Variants in ZNF678 observed in about 807,000 individuals in gnomAD.
ZNF678 encodes hypothetical protein MGC42493.
ZNF678 carries 5 observed loss-of-function variants against 3.0 expected under a neutral mutation model. That is an observed-to-expected ratio of 1.69 (90% CI 0.88 to 3.56). The LOEUF (loss-of-function observed/expected upper bound fraction) is 3.56. ZNF678 is among the 30% of genes most tolerant of loss of function. ZNF678 has a pLI of 0.00. For synonymous variants in ZNF678, 218 were observed against 199.6 expected (o/e 1.09, Z -0.78); for missense variants, 593 against 605.0 (o/e 0.98, Z 0.21).
At chr1:227,648,430 ATTGAT>A (rs1343110406) in intron 2 of ZNF678, among the ~76,000 whole-genome samples, 1 of 152,222 alleles carries the variant, frequency 6.6e-6, no homozygotes, top group East Asian at 1.9e-4. Flanking sequence ...ACACACTCAA[ATTGAT>A]TTGGAGTGAG....
chr1:227,676,862 T>C (rs1164730279), intron 5 of ZNF678, among the ~76,000 whole-genome samples: 2 of 152,166 alleles, frequency 1.3e-5, no homozygotes, highest in Non-Finnish European at 2.9e-5. Context: ...CATCATTTTT[T>C]ATGGTTGCAT....
At chr1:227,629,312 C>T (rs1658495397) in intron 1 of ZNF678, among the ~76,000 whole-genome samples, 1 of 152,222 alleles carries the variant, frequency 6.6e-6, no homozygotes, top group African/African-American at 2.4e-5. Context: ...TTAATTCCTT[C>T]CTCAAGTAGG....
At chr1:227,646,521 G>T (rs774961554) in intron 1 of ZNF678, 23 bp from the exon 2 acceptor site, 1 of 1,312,046 alleles carries the variant, frequency 7.6e-7, no homozygotes, top group African/African-American at 2.3e-5. Flanking sequence ...TTGTAAATAC[G>T]TGTGTATTTT....
chr1:227,654,213 G>A, intron 3 of ZNF678, 123 bp from the exon 4 acceptor site: 2 of 771,526 alleles, frequency 2.6e-6, no homozygotes, highest in Non-Finnish European at 1.9e-6. Context: ...AGGAATCATG[G>A]CATGTGATAT....
chr1:227,633,362 A>G (rs1261827295), intron 1 of ZNF678, among the ~76,000 whole-genome samples: 1 of 152,200 alleles, frequency 6.6e-6, no homozygotes, highest in Non-Finnish European at 1.5e-5. Context: ...CTGTGCTCTC[A>G]GGCAACAGAT....
At chr1:227,632,416 A>G (rs992024947) in intron 1 of ZNF678, among the ~76,000 whole-genome samples, 13 of 152,242 alleles carry the variant, frequency 8.5e-5, no homozygotes, top group African/African-American at 2.9e-4. Context: ...ATGGGTCAAA[A>G]GGAGAGGTAG....
chr1:227,655,179 G>T lies in ZNF678; in HGVS notation c.929G>T (p.Arg310Leu). 6.2e-7 allele frequency: 1 copy of T among 1,607,046 alleles called. No homozygotes were observed. Reference sequence around the variant, plus strand: ...TTTACACAGTTTGCAAGCCTTACTCGTCATAAAAGAATTCATACTGGAGAA... The same window carrying T: ...TTTACACAGTTTGCAAGCCTTACTCTTCATAAAAGAATTCATACTGGAGAA... ...KAFTQFASLTRHKRIHTGEKP... is the reference protein window; with the variant it reads ...KAFTQFASLTLHKRIHTGEKP... The change falls in exon 4 of 4, where the codon CGT becomes CTT. Residue 310 changes from arginine to leucine, a missense_variant. Physicochemically the swap from Arg to Leu is moderately radical, Grantham distance 102 (BLOSUM62 -2). Transcript: ENST00000343776.
chr1:227,676,871 A>G (rs953016394), intron 5 of ZNF678, among the ~76,000 whole-genome samples: 1 of 152,148 alleles, frequency 6.6e-6, no homozygotes, highest in Non-Finnish European at 1.5e-5. Context: ...TTATGGTTGC[A>G]TAGTATTCCA....
chr1:227,602,399 C>A (rs956195074), intron 1 of ZNF678, among the ~76,000 whole-genome samples: 29 of 152,266 alleles, frequency 1.9e-4, no homozygotes, highest in Middle Eastern at 3.4e-3. Flanking sequence ...TTCAGAAGCA[C>A]AAATATCCAC....
chr1:227,582,574 C>A, intron 1 of ZNF678: 2 of 232,084 alleles, frequency 8.6e-6, no homozygotes, highest in South Asian at 4.4e-5. Context: ...AGTGATTCTT[C>A]TGCCTAATCC....
chr1:227,589,597 A>G (rs759234955), intron 1 of ZNF678, among the ~76,000 whole-genome samples: 1 of 151,636 alleles, frequency 6.6e-6, no homozygotes. Context: ...TTAAGGGCTC[A>G]CAACTCTAAG....
chr1:227,641,322 G>C (rs2102791364), intron 1 of ZNF678, among the ~76,000 whole-genome samples: 1 of 152,282 alleles, frequency 6.6e-6, no homozygotes, highest in East Asian at 1.9e-4. Context: ...CTGGATGCAG[G>C]TGGGCTGAGG....
chr1:227,671,964 G>A (rs959437023), intron 5 of ZNF678, among the ~76,000 whole-genome samples: 2 of 152,174 alleles, frequency 1.3e-5, no homozygotes, highest in African/African-American at 4.8e-5. Context: ...GAACATTCAC[G>A]CAGGAGCTGA....
intron 2 of ZNF678, among the ~76,000 whole-genome samples, chr1:227,647,283 C>T (rs929262118): frequency 1.3e-5 from 2 of 152,116 alleles, no homozygotes; most frequent in Non-Finnish European, 2.9e-5. Flanking sequence ...AGAACCTATA[C>T]ATTTAAAATC....
chr1:227,588,764 C>CA (rs1164126824), intron 1 of ZNF678, among the ~76,000 whole-genome samples: 2 of 152,132 alleles, frequency 1.3e-5, no homozygotes, highest in Non-Finnish European at 2.9e-5. Flanking sequence ...CTCGGCCTCC[C>CA]AAAGTGCTGG....
chr1:227,612,422 A>G (rs1658043004), intron 1 of ZNF678, among the ~76,000 whole-genome samples: 2 of 152,148 alleles, frequency 1.3e-5, no homozygotes, highest in Non-Finnish European at 2.9e-5. Flanking sequence ...TGGAAAAATC[A>G]TGGTCAGGTA....
chr1:227,632,834 A>G (rs985118864), intron 1 of ZNF678, among the ~76,000 whole-genome samples: 3 of 152,164 alleles, frequency 2.0e-5, no homozygotes, highest in Non-Finnish European at 4.4e-5. Context: ...AGAGTTCCCA[A>G]GATGGTGGCG....
At chr1:227,622,169 CG>C in intron 1 of ZNF678, among the ~76,000 whole-genome samples, 1 of 152,270 alleles carries the variant, frequency 6.6e-6, no homozygotes, top group South Asian at 2.1e-4. Context: ...CTCTCTGAAG[CG>C]TGGTACTTAG....
chr1:227,648,309 C>A (rs184190602), intron 2 of ZNF678, among the ~76,000 whole-genome samples: 5 of 152,268 alleles, frequency 3.3e-5, no homozygotes, highest in Admixed American at 2.6e-4. Context: ...GGCATACACA[C>A]ATACGCATGC....
Sources: allele counts gnomAD v4.1 joint callset (sites outside exome capture counted in the v4.1 genomes callset), GRCh38; gene constraint gnomAD v4.1.1; transcripts MANE v1.5; gene names NCBI Gene and HGNC (gene_info 2026-07-23, HGNC 2026-07-21).